The following UTY variants were observed in gnomAD, a reference collection of about 807,000 sequenced individuals.
UTY encodes the protein histone demethylase UTY.
UTY carries 12 observed loss-of-function variants against 32.5 expected under a neutral mutation model. The ratio of observed to expected loss-of-function variants is 0.37; its 90% CI spans 0.24 to 0.60. The LOEUF (loss-of-function observed/expected upper bound fraction) is 0.60, where lower values mean the gene tolerates loss of function less well. Among genes scored for constraint, UTY ranks in the 20% least tolerant of loss-of-function variants. The probability of loss-of-function intolerance (pLI) is 0.69; values close to 1 mark genes in which losing one functional copy is unlikely to be tolerated. For missense variants in UTY, 303 were observed against 299.2 expected, an observed-to-expected ratio of 1.01 and a Z score of -0.09; for synonymous variants, 131 against 103.4, an observed-to-expected ratio of 1.27 and a Z score of -1.62.
At chrY:13,413,218 T>C in intron 5 of UTY, among the ~76,000 whole-genome samples, 2 of 33,936 alleles carry the variant, frequency 5.9e-5, no homozygotes, top group Non-Finnish European at 1.5e-4. Flanking sequence ...AGTAAAACTT[T>C]TCTGCCTTGC....
At chrY:13,326,109 A>G in intron 19 of UTY, 112 bp downstream of exon 19, 2 of 258,258 alleles carry the variant, frequency 7.7e-6, no homozygotes, top group Non-Finnish European at 1.2e-5. Flanking sequence ...TTGAGAGTAA[A>G]GTCTATGCTC....
At chrY:13,254,276 T>A in intron 28 of UTY, among the ~76,000 whole-genome samples, 1 of 32,767 alleles carries the variant, frequency 3.1e-5, no homozygotes, top group Middle Eastern at 0.013. Context: ...ATAAAGGAAA[T>A]ACTCCATTTC....
chrY:13,278,688 C>CT (rs2056833863), intron 27 of UTY, among the ~76,000 whole-genome samples: 1 of 33,218 alleles, frequency 3.0e-5, no homozygotes, highest in African/African-American at 1.2e-4. Flanking sequence ...GTGGGGCAGA[C>CT]TTTGTCTTGT....
chrY:13,365,360 C>G, intron 10 of UTY, among the ~76,000 whole-genome samples: 1 of 24,687 alleles, frequency 4.1e-5, no homozygotes, highest in Non-Finnish European at 9.1e-5. Context: ...TGCAGTGAGC[C>G]GAGATCATGC....
intron 3 of UTY, among the ~76,000 whole-genome samples, chrY:13,468,492 T>C: frequency 3.2e-5 from 1 of 31,010 alleles, no homozygotes; most frequent in South Asian, 7.3e-4. Context: ...TGGCTAACAC[T>C]GTGAAACCCG....
chrY:13,327,966 G>A (rs781415279), intron 18 of UTY, among the ~76,000 whole-genome samples: 1 of 33,887 alleles, frequency 3.0e-5, no homozygotes, highest in South Asian at 6.4e-4. Context: ...GGTGGCTCAC[G>A]CCCGTAATCC....
chrY:13,429,314 A>G (rs2073730541), intron 4 of UTY, among the ~76,000 whole-genome samples: 1 of 33,402 alleles, frequency 3.0e-5, no homozygotes, highest in South Asian at 6.5e-4. Flanking sequence ...TGTCATATTC[A>G]GCCTTTATTG....
rs1362990297 is a variant in UTY, at chrY:13,251,151, T to C, written c.4174A>G (p.Ser1392Gly). ...VFNLLFVTNESNTQKTYIVHC... is the reference protein window; with the variant it reads ...VFNLLFVTNEGNTQKTYIVHC... ...ACTATGTAGGTTTTTTGAGTATTGCTTTCATTAGTGACAAAAAGCAGATTA... is the reference window on the plus strand; with the variant it reads ...ACTATGTAGGTTTTTTGAGTATTGCCTTCATTAGTGACAAAAAGCAGATTA... The change falls in exon 29 of 30, where the codon AGC (serine) becomes GGC (glycine). Residue 1392 changes from serine (S) to glycine (G), a missense_variant. Physicochemically the swap from Ser to Gly is moderately conservative, Grantham distance 56. Transcript: ENST00000545955. The C allele has an allele frequency of 2.5e-6, 1 of 393,749 alleles. No individual in the cohort carries two copies. Among genetic ancestry groups the C allele is most frequent in the Non-Finnish European group, 3.6e-6 (1 of 280,966 alleles).
chrY:13,417,085 A>T, intron 4 of UTY, among the ~76,000 whole-genome samples: 1 of 33,899 alleles, frequency 2.9e-5, no homozygotes, highest in Admixed American at 2.7e-4. Flanking sequence ...AGTTATTTTT[A>T]AACCTCTGCA....
intron 27 of UTY, among the ~76,000 whole-genome samples, chrY:13,275,830 C>A (rs2056636463): frequency 2.9e-5 from 1 of 34,171 alleles, no homozygotes; most frequent in Non-Finnish European, 7.3e-5. Context: ...TCCAACTTCT[C>A]AAAGTTGTCA....
chrY:13,389,047 T>C, intron 8 of UTY, among the ~76,000 whole-genome samples: 1 of 32,225 alleles, frequency 3.1e-5, no homozygotes, highest in African/African-American at 1.2e-4. Flanking sequence ...TCCTAAGATA[T>C]GAGGTGATAT....
chrY:13,292,215 C>G (rs113326581), intron 27 of UTY, among the ~76,000 whole-genome samples: 1 of 32,260 alleles, frequency 3.1e-5, no homozygotes, highest in Non-Finnish European at 7.6e-5. Context: ...CTTTGGGAGG[C>G]CAAGATGGGC....
At chrY:13,318,193 G>GTAATAATAATAATAA (rs565680061) in intron 21 of UTY, among the ~76,000 whole-genome samples, 1 of 24,788 alleles carries the variant, frequency 4.0e-5, no homozygotes, top group South Asian at 8.5e-4. Context: ...AGTAATAATA[G>GTAATAATAATAATAA]TAATAATAAT....
At chrY:13,363,819 A>G (rs1002750186) in intron 10 of UTY, among the ~76,000 whole-genome samples, 2 of 33,673 alleles carry the variant, frequency 5.9e-5, no homozygotes, top group Non-Finnish European at 7.4e-5. Flanking sequence ...CACTTGCTCT[A>G]TTTAGTAACA....
intron 29 of UTY, 24 bp downstream of exon 29, chrY:13,250,993 T>G: frequency 2.6e-6 from 1 of 390,386 alleles, no homozygotes; most frequent in Non-Finnish European, 3.6e-6. Flanking sequence ...CCTAATTAAG[T>G]GTACTCACGT....
chrY:13,432,644 C>A, intron 4 of UTY, among the ~76,000 whole-genome samples: 1 of 33,571 alleles, frequency 3.0e-5, no homozygotes, highest in Non-Finnish European at 7.4e-5. Flanking sequence ...TCTAAGAAGT[C>A]CACCCAGAGG....
At chrY:13,299,531 G>C in intron 25 of UTY, among the ~76,000 whole-genome samples, 1 of 31,362 alleles carries the variant, frequency 3.2e-5, no homozygotes, top group South Asian at 7.5e-4. Context: ...CTTCAACCTG[G>C]GAGGAGGAGG....
intron 21 of UTY, among the ~76,000 whole-genome samples, chrY:13,309,499 G>A (rs2058894534): frequency 3.0e-5 from 1 of 33,049 alleles, no homozygotes; most frequent in African/African-American, 1.2e-4. Flanking sequence ...GCTGAGGCAG[G>A]AGAATGGCGT....
chrY:13,356,751 C>A (rs2149235516), intron 15 of UTY, among the ~76,000 whole-genome samples: 5 of 19,372 alleles, frequency 2.6e-4, no homozygotes, highest in Admixed American at 1.1e-3. Context: ...GAACCATGAT[C>A]ACATGTCACT....
Sources: allele counts gnomAD v4.1 joint callset (sites outside exome capture counted in the v4.1 genomes callset), GRCh38; gene constraint gnomAD v4.1.1; transcripts MANE v1.5; gene names NCBI Gene and HGNC (gene_info 2026-07-23, HGNC 2026-07-21).